Variants in PIK3C3 observed in about 807,000 individuals in gnomAD.
The protein encoded by PIK3C3 is phosphatidylinositol 3-kinase catalytic subunit type 3, also known as PI3-kinase type 3.
In PIK3C3, 95 loss-of-function variants were observed where a neutral mutation model predicts 126.1. The observed-to-expected ratio is 0.75, with a 90% confidence interval of 0.64 to 0.89. The LOEUF is 0.89. Ranked by LOEUF, PIK3C3 falls within the 40% of genes least tolerant of loss-of-function variation. The pLI, the probability that PIK3C3 is intolerant of heterozygous loss-of-function variation, is 0.00. For missense variants in PIK3C3, 829 were observed against 1,063.2 expected (o/e 0.78, Z 3.06); for synonymous variants, 374 against 360.0 (o/e 1.04, Z -0.44).
At chr18:42,078,497 A>G (rs1334647323) in intron 24 of PIK3C3, among the ~76,000 whole-genome samples, 5 of 151,992 alleles carry the variant, frequency 3.3e-5, no homozygotes, top group African/African-American at 1.2e-4. Flanking sequence ...ATTTAACATA[A>G]TTCTTAGGGG....
intron 1 of PIK3C3, among the ~76,000 whole-genome samples, chr18:41,956,962 C>T (rs977308418): frequency 6.6e-6 from 1 of 152,092 alleles, no homozygotes; most frequent in African/African-American, 2.4e-5. Context: ...GTGATAGTAT[C>T]CTGTGCATAT....
At chr18:42,072,950 T>C (rs987788566) in intron 24 of PIK3C3, among the ~76,000 whole-genome samples, 3 of 152,296 alleles carry the variant, frequency 2.0e-5, no homozygotes, top group African/African-American at 7.2e-5. Context: ...TCTCTTACAC[T>C]GCAGTCCATT....
rs934540817 is a variant in PIK3C3 at position 41,957,937 on chromosome 18, C to T, written c.257+179C>T. ...ATTATGCATGTCAGTATTATAACTG[C>T]AATTGAAATAGAAATGGATTTATGT... On this transcript the variant is annotated intron_variant, in intron 2 of 24. Transcript: ENST00000262039. Among the ~76,000 whole-genome samples the T allele has an allele frequency of 2.6e-5, 4 of 152,146 alleles. No individual in the cohort carries two copies. The highest frequency in any genetic ancestry group is 9.7e-5 in the African/African-American group (4 of 41,422).
chr18:42,015,475 G>A lies in PIK3C3; in HGVS notation c.1326-1G>A. 1.2e-6 allele frequency: 2 copies of A among 1,611,324 alleles called. No individual in the cohort carries two copies. The highest frequency in any genetic ancestry group is 1.7e-6 in the Non-Finnish European group (2 of 1,178,072). On this transcript the variant is annotated splice_acceptor_variant, in intron 11 of 24. Coordinates refer to ENST00000262039, the MANE Select transcript of PIK3C3 (RefSeq NM_002647.4). LOFTEE classifies it high-confidence loss of function. ...AGTGATCTCTTTTATTACTTTTTCAGCTCCCAAATTATAACCAGCCCCCTT... is the reference window on the plus strand; with the variant it reads ...AGTGATCTCTTTTATTACTTTTTCAACTCCCAAATTATAACCAGCCCCCTT...
chr18:42,062,280 C>CT (rs1462308861), intron 22 of PIK3C3, among the ~76,000 whole-genome samples: 2 of 150,444 alleles, frequency 1.3e-5, no homozygotes, highest in Non-Finnish European at 2.9e-5. Flanking sequence ...GGATTGTACG[C>CT]TGCTGGCATC....
intron 22 of PIK3C3, among the ~76,000 whole-genome samples, chr18:42,063,889 A>G (rs990363045): frequency 2.6e-5 from 4 of 152,128 alleles, no homozygotes; most frequent in South Asian, 4.1e-4. Context: ...CCTAAAACCA[A>G]CGCTTTCCTT....
At chr18:42,019,305 C>T (rs1290985599) in intron 12 of PIK3C3, among the ~76,000 whole-genome samples, 1 of 152,078 alleles carries the variant, frequency 6.6e-6, no homozygotes, top group Non-Finnish European at 1.5e-5. Context: ...TGAAACAGCA[C>T]CTTGTTTTCT....
In PIK3C3 at chr18:42,040,749, A is replaced by T. The variant is rs1342807803; in HGVS notation, c.2103+8A>T. The T allele has an allele frequency of 6.4e-7, 1 of 1,557,544 alleles. No homozygotes were observed. Among genetic ancestry groups the T allele is most frequent in the Non-Finnish European group, 8.8e-7 (1 of 1,131,188 alleles). ...ACAGAGGGAAGCATTCAGGTATGGT[A>T]TCAATAAAGATTATGCAATTCATGA... On this transcript the variant is annotated splice_region_variant and intron_variant, in intron 19 of 24. Coordinates refer to ENST00000262039, the MANE Select transcript of PIK3C3 (RefSeq NM_002647.4).
rs1185126916 is a variant in PIK3C3 at position 42,086,628 on chromosome 18, A to G, written c.*5491A>G. The G allele has an allele frequency of 6.6e-6, 1 of 152,230 alleles. No individual in the cohort carries two copies. Among genetic ancestry groups the G allele is most frequent in the African/African-American group, 2.4e-5 (1 of 41,470 alleles). 9.4% of individuals were successfully genotyped at this position (152,230 alleles called of 1,614,324 possible). A position where few individuals can be genotyped will look rare whatever the true frequency, so the allele number is the denominator to read the frequency against. On this transcript the variant is annotated 3_prime_UTR_variant, in exon 25 of 25. Transcript: ENST00000262039. ...TCACTGCTCATTATACGCTAGTTAT[A>G]ATGCATTGACATGCTAAGAGACACT... is the stretch of plus-strand genomic sequence containing the variant.
chr18:41,986,623 G>A (rs1344286425), intron 4 of PIK3C3, among the ~76,000 whole-genome samples: 1 of 151,352 alleles, frequency 6.6e-6, no homozygotes, highest in Non-Finnish European at 1.5e-5. Context: ...CACATTGTCT[G>A]ATCTTCTTTT....
rs768522462 is a variant in PIK3C3 at position 41,962,497 on chromosome 18, A to C, written c.266A>C (p.Glu89Ala). 6.2e-7 allele frequency: 1 copy of C among 1,608,060 alleles called. No homozygotes were observed. Among genetic ancestry groups the C allele is most frequent in the Non-Finnish European group, 8.5e-7 (1 of 1,176,636 alleles). Residue 89 changes from glutamate to alanine, a missense_variant, in exon 3 of 25, where the codon GAA becomes GCA. Physicochemically the swap from Glu to Ala is moderately radical, Grantham distance 107 (BLOSUM62 -1). Transcript: ENST00000262039. ...TAACTTCATTTCCATAGCTGGAATG[A>C]ATGGCTGAAACTACCAGTAAAATAC... ...KAFSTRWNWNEWLKLPVKYPD... is the reference protein window; with the variant it reads ...KAFSTRWNWNAWLKLPVKYPD...
At chr18:42,058,184 T>A (rs1343447420) in intron 22 of PIK3C3, 133 bp downstream of exon 22, 1 of 632,306 alleles carries the variant, frequency 1.6e-6, no homozygotes, top group Non-Finnish European at 2.5e-6. Context: ...CAATATTTCC[T>A]ATCTTACATT....
chr18:42,076,815 A>G (rs751298550), intron 24 of PIK3C3, among the ~76,000 whole-genome samples: 36 of 152,210 alleles, frequency 2.4e-4, no homozygotes, highest in Admixed American at 1.7e-3. Flanking sequence ...AGGGTTTGCC[A>G]TGTTTGCTTC....
At chr18:42,031,287 C>A (rs1380530575) in intron 15 of PIK3C3, among the ~76,000 whole-genome samples, 1 of 152,128 alleles carries the variant, frequency 6.6e-6, no homozygotes, top group East Asian at 1.9e-4. Flanking sequence ...GCAGAGTAAT[C>A]CCTGAGTTAA....
At chr18:41,958,423 G>A (rs1370300688) in intron 2 of PIK3C3, among the ~76,000 whole-genome samples, 2 of 152,142 alleles carry the variant, frequency 1.3e-5, no homozygotes, top group African/African-American at 2.4e-5. Flanking sequence ...AGGATACACA[G>A]GCTGTATGCT....
rs114404135 is a variant in PIK3C3, at chr18:41,961,491, T to A, written c.258-998T>A. 2.7e-3 allele frequency among the ~76,000 whole-genome samples: 404 copies of A among 152,360 alleles called. 6 individuals are homozygous for A. The highest frequency in any genetic ancestry group is 9.3e-3 in the African/African-American group (387 of 41,582). ...AATAACTCCTTTTTCTTGAAATTGA[T>A]AGCCATCTCTAATTTATATGGCGTA... On this transcript the variant is annotated intron_variant, in intron 2 of 24. Transcript: ENST00000262039.
At chr18:41,963,734 C>T (rs1290164703) in intron 3 of PIK3C3, among the ~76,000 whole-genome samples, 2 of 151,488 alleles carry the variant, frequency 1.3e-5, no homozygotes, top group Non-Finnish European at 2.9e-5. Flanking sequence ...TGTTTATTGA[C>T]TATTTGTGTT....
At chr18:42,043,884 A>G (rs896370758) in intron 20 of PIK3C3, 67 bp downstream of exon 20, 27 of 961,754 alleles carry the variant, frequency 2.8e-5, no homozygotes, top group Non-Finnish European at 4.2e-5. Flanking sequence ...TGATATTGCC[A>G]TAATCATATA....
chr18:42,001,964 C>A (rs1982312445), intron 9 of PIK3C3, among the ~76,000 whole-genome samples: 1 of 152,084 alleles, frequency 6.6e-6, no homozygotes, highest in Non-Finnish European at 1.5e-5. Flanking sequence ...GTGTTCTATA[C>A]AGAAAGGGAG....
Sources: gnomAD v4.1 joint callset for allele counts (sites outside exome capture counted in the v4.1 genomes callset) on GRCh38, gnomAD v4.1.1 for gene constraint, MANE v1.5 for transcripts, NCBI Gene and HGNC (gene_info 2026-07-23, HGNC 2026-07-21) for gene names.